Variants in ZBTB40 observed in about 807,000 individuals in gnomAD.
ZBTB40 encodes zinc finger and BTB domain containing 40.
In ZBTB40, 60 loss-of-function variants were observed where a neutral mutation model predicts 117.5. The ratio of observed to expected loss-of-function variants is 0.51; its 90% CI spans 0.41 to 0.63. ZBTB40 has a LOEUF of 0.63. ZBTB40 is among the 30% of genes least tolerant of loss of function. The pLI, the probability that ZBTB40 is intolerant of heterozygous loss-of-function variation, is 0.00. For missense variants in ZBTB40, 1,287 were observed against 1,498.5 expected, an observed-to-expected ratio of 0.86 and a Z score of 2.33; for synonymous variants, 525 against 577.1, an observed-to-expected ratio of 0.91 and a Z score of 1.29.
intron 1 of ZBTB40, among the ~76,000 whole-genome samples, chr1:22,436,933 G>C (rs1007997258): frequency 1.3e-5 from 2 of 152,124 alleles, no homozygotes; most frequent in African/African-American, 4.8e-5. Context: ...AGTGGTTGTT[G>C]GGAGATGAGG....
intron 12 of ZBTB40, among the ~76,000 whole-genome samples, chr1:22,514,935 T>A (rs1639337059): frequency 6.6e-6 from 1 of 152,228 alleles, no homozygotes; most frequent in Admixed American, 6.5e-5. Context: ...CGCACCCCTG[T>A]CATGGGACTT....
chr1:22,501,544 T>G lies in ZBTB40; in HGVS notation c.884T>G (p.Ile295Ser). 6.2e-7 allele frequency: 1 copy of G among 1,614,158 alleles called. No homozygotes were observed. Among genetic ancestry groups the G allele is most frequent in the Non-Finnish European group, 8.5e-7 (1 of 1,180,008 alleles). The change falls in exon 4 of 18, where the codon ATC (isoleucine) becomes AGC (serine). Residue 295 changes from isoleucine (I) to serine (S), a missense_variant. Ile to Ser is a moderately radical substitution (Grantham distance 142). This residue lies in a region of ZBTB40 where 870 missense variants were observed against 934.4 expected (regional missense o/e 0.93). Coordinates refer to ENST00000375647, the MANE Select transcript of ZBTB40 (RefSeq NM_014870.4). ...GGAGGACATTCAGCATTCCAGAGAA[T>G]CCTGGGTAAAGTAAGAGAGGAAAGC... The part of the protein sequence containing the change: ...GEGGHSAFQR[I>S]LGKVREESLD...
rs1199013180 is a variant in ZBTB40 at position 22,517,397 on chromosome 1, C to T, written c.2766C>T (p.Val922=). ...VRTHTGDKPY[V]CRDCGKGFRQ... is the part of the protein sequence containing the mutation. ...CCCACACCGGGGACAAGCCCTATGT[C>T]TGCAGAGACTGTGGCAAGGGCTTCC... Residue 922 remains valine (V), a synonymous_variant, in exon 13 of 18, where the codon GTC becomes GTT. Transcript: ENST00000375647. 4 of 1,614,086 alleles carry T rather than the reference C, an allele frequency of 2.5e-6. No homozygotes were observed. The highest frequency in any genetic ancestry group is 2.7e-5 in the African/African-American group (2 of 74,932).
intron 1 of ZBTB40, among the ~76,000 whole-genome samples, chr1:22,487,931 C>A (rs1371365246): frequency 1.3e-5 from 2 of 152,134 alleles, no homozygotes; most frequent in African/African-American, 4.8e-5. Context: ...GCTTTATGTT[C>A]CAGTAATAAT....
intron 1 of ZBTB40, among the ~76,000 whole-genome samples, chr1:22,453,247 A>G (rs1430821873): frequency 6.6e-6 from 1 of 152,158 alleles, no homozygotes; most frequent in Non-Finnish European, 1.5e-5. Context: ...CTCCTTTCTA[A>G]TATAAACACT....
At chr1:22,505,646 C>A (rs1557512904) in intron 5 of ZBTB40, among the ~76,000 whole-genome samples, 1 of 151,896 alleles carries the variant, frequency 6.6e-6, no homozygotes, top group African/African-American at 2.4e-5. Context: ...GAAAAAAGAC[C>A]AAAAAAATTA....
chr1:22,446,852 C>T (rs898531814), upstream of ZBTB40, among the ~76,000 whole-genome samples: 3 of 152,040 alleles, frequency 2.0e-5, no homozygotes, highest in Non-Finnish European at 4.4e-5. Context: ...CCTGTAACCC[C>T]AGTACGTTGG....
At chr1:22,430,860 G>T (rs1421516276) in intron 1 of ZBTB40, among the ~76,000 whole-genome samples, 1 of 151,972 alleles carries the variant, frequency 6.6e-6, no homozygotes, top group Non-Finnish European at 1.5e-5. Context: ...TTTGTTATTA[G>T]TTCCCACTTC....
chr1:22,440,097 T>G (rs188555364), intron 1 of ZBTB40, among the ~76,000 whole-genome samples: 41 of 152,344 alleles, frequency 2.7e-4, no homozygotes, highest in Admixed American at 2.3e-3. Context: ...AATGGAACTG[T>G]TTTTGTAATT....
intron 3 of ZBTB40, among the ~76,000 whole-genome samples, chr1:22,497,420 C>G (rs1362255212): frequency 1.3e-5 from 2 of 152,122 alleles, no homozygotes; most frequent in Non-Finnish European, 2.9e-5. Context: ...GGGTAGCCCT[C>G]TTGAGAGTGA....
At position 22,490,340 on chromosome 1, in the gene ZBTB40, C is replaced by T. The variant is rs745947519; in HGVS notation, c.392C>T (p.Ala131Val). ...GGTCAGGTGGTAAGGGATGTCTCTG[C>T]GCCATCCTCAGAGACATTCAGAAAG... ...VQGQVVRDVSAPSSETFRKEP... is the reference protein window; with the variant it reads ...VQGQVVRDVSVPSSETFRKEP... The change falls in exon 2 of 18, where the codon GCG becomes GTG. Residue 131 changes from alanine to valine, a missense_variant. Around this residue, in one of 2 missense-constraint regions of ZBTB40, gnomAD observed 870 missense variants for 934.4 expected, o/e 0.93. Coordinates refer to ENST00000375647, the MANE Select transcript of ZBTB40 (RefSeq NM_014870.4). The T allele has an allele frequency of 1.1e-5, 18 of 1,614,128 alleles. No individual in the cohort carries two copies. Among genetic ancestry groups the T allele is most frequent in the East Asian group, 6.7e-5 (3 of 44,866 alleles).
intron 1 of ZBTB40, among the ~76,000 whole-genome samples, chr1:22,434,417 T>C (rs1053245242): frequency 7.9e-5 from 12 of 152,220 alleles, no homozygotes; most frequent in African/African-American, 2.9e-4. Context: ...GTTTAGACTT[T>C]ATTTATGGAT....
intron 6 of ZBTB40, 92 bp from the exon 7 acceptor site, chr1:22,507,909 T>G: frequency 6.3e-7 from 1 of 1,593,922 alleles, no homozygotes. Context: ...TTGTGCTGAT[T>G]GCTCTCTTCC....
At chr1:22,488,494 A>G (rs1000766088) in intron 1 of ZBTB40, among the ~76,000 whole-genome samples, 1 of 152,178 alleles carries the variant, frequency 6.6e-6, no homozygotes, top group African/African-American at 2.4e-5. Flanking sequence ...CCAGCCAGCC[A>G]GGCACAGATA....
At chr1:22,483,085 A>AAG (rs748208354) in intron 1 of ZBTB40, among the ~76,000 whole-genome samples, 1 of 151,996 alleles carries the variant, frequency 6.6e-6, no homozygotes, top group East Asian at 1.9e-4. Context: ...TCTCAAAAAA[A>AAG]AAAAAAAAGA....
At chr1:22,476,821 C>G (rs917695918) in intron 1 of ZBTB40, among the ~76,000 whole-genome samples, 1 of 152,076 alleles carries the variant, frequency 6.6e-6, no homozygotes, top group African/African-American at 2.4e-5. Context: ...ACAATTTTTT[C>G]GAGCCTAGCA....
intron 6 of ZBTB40, among the ~76,000 whole-genome samples, chr1:22,507,741 CT>C (rs772471376): frequency 1.3e-5 from 2 of 152,208 alleles, no homozygotes; most frequent in Admixed American, 6.5e-5. Context: ...AATTACCCCC[CT>C]GGTGAGCAAT....
At position 22,431,382 on chromosome 1, in the gene ZBTB40, G is replaced by GTATA. The variant is rs1308135309; in HGVS notation, c.-70+2369_-70+2370insATAT. 3.5e-3 allele frequency among the ~76,000 whole-genome samples: 54 copies of GTATA among 15,508 alleles called. 1 individual carries two copies. The highest frequency in any genetic ancestry group is 0.028 in the Middle Eastern group (1 of 36). 10.2% of individuals were successfully genotyped at this position (15,508 alleles called of 152,430 possible). ...ATATTTTGTGTGTGTGTGTGTGTGT[G>GTATA]TGTATATATATATATATATATATAT... On this transcript the variant is annotated intron_variant, in intron 1 of 8. Coordinates refer to the ZBTB40 transcript ENST00000650433.
chr1:22,499,516 A>G (rs1011337734), intron 3 of ZBTB40, among the ~76,000 whole-genome samples: 9 of 152,326 alleles, frequency 5.9e-5, no homozygotes, highest in Admixed American at 2.6e-4. Context: ...AAAAGCATGA[A>G]AAGTTGATTT....
Sources: gnomAD v4.1 joint callset for allele counts (sites outside exome capture counted in the v4.1 genomes callset) on GRCh38, gnomAD v4.1.1 for gene constraint, gnomAD v4.1.1 regional missense constraint, MANE v1.5 for transcripts, NCBI Gene and HGNC (gene_info 2026-07-23, HGNC 2026-07-21) for gene names.